The following PIP4K2A variants were observed in gnomAD, a reference collection of about 807,000 sequenced individuals.
PIP4K2A encodes phosphatidylinositol-5-phosphate 4-kinase type 2 alpha.
In PIP4K2A, 14 loss-of-function variants were observed where a neutral mutation model predicts 42.9. That is an observed-to-expected ratio of 0.33 (90% CI 0.22 to 0.51). The LOEUF is 0.51. PIP4K2A is among the 20% of genes least tolerant of loss of function. The probability of loss-of-function intolerance (pLI) is 0.97; values close to 1 mark genes in which losing one functional copy is unlikely to be tolerated. For missense variants in PIP4K2A, 434 were observed against 519.8 expected (o/e 0.83, Z 1.61); for synonymous variants, 192 against 192.2 (o/e 1.00, Z 0.01).
chr10:22,661,349 CTTTT>C (rs374324575), intron 1 of PIP4K2A, among the ~76,000 whole-genome samples: 5 of 99,826 alleles, frequency 5.0e-5, no homozygotes, highest in Admixed American at 2.1e-4. Flanking sequence ...ATGATGCTGC[CTTTT>C]TTTTTTTTTT....
intron 1 of PIP4K2A, among the ~76,000 whole-genome samples, chr10:22,696,991 C>T (rs1441306794): frequency 1.3e-5 from 2 of 152,170 alleles, no homozygotes; most frequent in Non-Finnish European, 2.9e-5. Flanking sequence ...TTAGCACTGT[C>T]ACAATAAAAT....
chr10:22,670,768 T>C (rs186979806), intron 1 of PIP4K2A, among the ~76,000 whole-genome samples: 2 of 152,348 alleles, frequency 1.3e-5, no homozygotes, highest in East Asian at 1.9e-4. Flanking sequence ...CCAGTTGATA[T>C]GAATCATTAC....
In PIP4K2A at chr10:22,622,417, A is replaced by AGGGCT. The variant is rs567280982; in HGVS notation, c.145-12705_145-12701dup. On this transcript the variant is annotated intron_variant, in intron 1 of 9. Coordinates refer to ENST00000376573, the MANE Select transcript of PIP4K2A (RefSeq NM_005028.5). The stretch of plus-strand genomic sequence containing the variant: ...GGGCACGGGAAGACCCAGCTCACAC[A>AGGGCT]GGGCTGGGCTGGGCGTCACGGAGCA... 8.5e-5 allele frequency among the ~76,000 whole-genome samples: 13 copies of AGGGCT among 152,328 alleles called. No homozygotes were observed. In the South Asian group the frequency reaches 2.7e-3, roughly 32 times the overall value.
At chr10:22,538,378 T>C (rs542159357) in intron 9 of PIP4K2A, among the ~76,000 whole-genome samples, 2 of 151,932 alleles carry the variant, frequency 1.3e-5, no homozygotes, top group East Asian at 2.0e-4. Context: ...CATGGAGCCA[T>C]ATTGGCTAGG....
chr10:22,638,755 T>G (rs146996396), intron 1 of PIP4K2A, among the ~76,000 whole-genome samples: 1 of 152,342 alleles, frequency 6.6e-6, no homozygotes, highest in Admixed American at 6.5e-5. Flanking sequence ...TTTAAGTATG[T>G]AGGACCTTGA....
chr10:22,655,580 TTG>T (rs1419802673), intron 1 of PIP4K2A, among the ~76,000 whole-genome samples: 2 of 152,190 alleles, frequency 1.3e-5, no homozygotes, highest in Non-Finnish European at 2.9e-5. Flanking sequence ...TTCTAGGCTT[TTG>T]TGTTCTAAGT....
rs530762764 is a variant in PIP4K2A at position 22,692,911 on chromosome 10, A to G, written c.144+21272T>C. On this transcript the variant is annotated intron_variant, in intron 1 of 9. Coordinates refer to ENST00000376573, the MANE Select transcript of PIP4K2A (RefSeq NM_005028.5). ...ACTGGAAAATGTTCGTCAAGGAATC[A>G]TTTATTCAAGGCTGATCTCTGTTTA... Among the ~76,000 whole-genome samples, 40 of 152,300 alleles carry G rather than the reference A, an allele frequency of 2.6e-4. No individual in the cohort carries two copies. In the South Asian group the frequency reaches 8.3e-3, roughly 32 times the overall value.
At chr10:22,602,589 T>C (rs1837814239) in intron 3 of PIP4K2A, among the ~76,000 whole-genome samples, 1 of 152,140 alleles carries the variant, frequency 6.6e-6, no homozygotes, top group Non-Finnish European at 1.5e-5. Flanking sequence ...CCCACTATTC[T>C]GCCACCATCC....
Position 22,536,965 on chromosome 10 carries a change from C to G in PIP4K2A, c.*236G>C, listed in dbSNP as rs1378257771. The G allele has an allele frequency of 7.9e-5, 19 of 240,068 alleles. No homozygotes were observed. Among genetic ancestry groups the G allele is most frequent in the Non-Finnish European group, 1.3e-4 (19 of 147,298 alleles). The allele number at this position is 240,068 out of a possible 1,614,324, so 14.9% of individuals were successfully genotyped here. ...CACGCGCGCACACACTCACCCCCCC[C>G]CAACACACACACACACACATATACA... On this transcript the variant is annotated 3_prime_UTR_variant, in exon 10 of 10. Coordinates refer to ENST00000376573, the MANE Select transcript of PIP4K2A (RefSeq NM_005028.5).
chr10:22,584,794 T>C (rs1028129066), intron 4 of PIP4K2A, among the ~76,000 whole-genome samples: 2 of 152,196 alleles, frequency 1.3e-5, no homozygotes, highest in African/African-American at 4.8e-5. Context: ...TTGTGTTTAG[T>C]CTCATAATCT....
rs34780922 is a variant in PIP4K2A at position 22,536,967 on chromosome 10, A to AAC, written c.*232_*233dup. On this transcript the variant is annotated 3_prime_UTR_variant, in exon 10 of 10. Coordinates refer to ENST00000376573, the MANE Select transcript of PIP4K2A (RefSeq NM_005028.5). ...CGCGCGCACACACTCACCCCCCCCC[A>AAC]ACACACACACACACACATATACACA... 8.3e-3 allele frequency: 2,874 copies of AAC among 344,392 alleles called. 12 individuals carry two copies. The highest frequency in any genetic ancestry group is 0.011 in the Non-Finnish European group (2,027 of 187,760). 21.3% of individuals were successfully genotyped at this position (344,392 alleles called of 1,614,324 possible).
Position 22,635,065 on chromosome 10 carries a change from G to A in PIP4K2A, c.145-25348C>T, listed in dbSNP as rs111357842. 1.2e-3 allele frequency among the ~76,000 whole-genome samples: 189 copies of A among 152,268 alleles called. 2 individuals are homozygous for A. Among genetic ancestry groups the A allele is most frequent in the African/African-American group, 4.3e-3 (178 of 41,558 alleles). On this transcript the variant is annotated intron_variant, in intron 1 of 9. Coordinates refer to ENST00000376573, the MANE Select transcript of PIP4K2A (RefSeq NM_005028.5). ...GCAACAGAAACAGTGAGGTGAGTAT[G>A]AGAAGTGCAGCACATTTGGGGGAGG...
intron 1 of PIP4K2A, among the ~76,000 whole-genome samples, chr10:22,661,007 TTG>T (rs1326833445): frequency 1.3e-5 from 2 of 152,098 alleles, no homozygotes; most frequent in African/African-American, 4.8e-5. Context: ...AGGAGAGCGG[TTG>T]TGTGTGTCTG....
At chr10:22,569,121 A>G (rs1001019738) in intron 5 of PIP4K2A, 6 of 1,153,686 alleles carry the variant, frequency 5.2e-6, no homozygotes, top group South Asian at 2.6e-5. Flanking sequence ...ACTAGGATTG[A>G]GCTTCCTGCA....
chr10:22,709,434 T>G lies in PIP4K2A; in HGVS notation c.144+4749A>C, dbSNP rs1024709342. Reference sequence around the variant, plus strand: ...TCATCTGTCTAACCACAAACCTTTTTTGCCAAATTGCACCAATTCCCTTCA... The same window carrying G: ...TCATCTGTCTAACCACAAACCTTTTGTGCCAAATTGCACCAATTCCCTTCA... On this transcript the variant is annotated intron_variant, in intron 1 of 9. Transcript: ENST00000376573. Among the ~76,000 whole-genome samples the G allele has an allele frequency of 6.6e-5, 10 of 152,348 alleles. No homozygotes were observed. In the East Asian group the frequency reaches 1.9e-3, roughly 29 times the overall value.
At chr10:22,702,241 C>A (rs1833728764) in intron 1 of PIP4K2A, among the ~76,000 whole-genome samples, 1 of 152,146 alleles carries the variant, frequency 6.6e-6, no homozygotes, top group East Asian at 1.9e-4. Context: ...CCAGCAGAAA[C>A]AATACACAAT....
intron 1 of PIP4K2A, among the ~76,000 whole-genome samples, chr10:22,627,008 T>C (rs142390757): frequency 2.0e-5 from 3 of 152,186 alleles, no homozygotes; most frequent in African/African-American, 7.2e-5. Flanking sequence ...AAAAGGGCAT[T>C]TGCCATCACA....
chr10:22,537,889 C>A (rs918548930), intron 9 of PIP4K2A, among the ~76,000 whole-genome samples: 1 of 152,180 alleles, frequency 6.6e-6, no homozygotes, highest in East Asian at 1.9e-4. Flanking sequence ...ATCTTGCCCA[C>A]GGGGGAAGGA....
chr10:22,686,781 C>A (rs1442205567), intron 1 of PIP4K2A, among the ~76,000 whole-genome samples: 1 of 152,036 alleles, frequency 6.6e-6, no homozygotes, highest in Non-Finnish European at 1.5e-5. Context: ...CTATTTTTTT[C>A]TTTAATCTAG....
Sources: allele counts gnomAD v4.1 joint callset (sites outside exome capture counted in the v4.1 genomes callset), GRCh38; gene constraint gnomAD v4.1.1; transcripts MANE v1.5; gene names NCBI Gene and HGNC (gene_info 2026-07-23, HGNC 2026-07-21).